STRN3: variants seen among roughly 807,000 people sequenced by gnomAD.
STRN3 encodes the protein striatin-3.
Under a neutral mutation model 95.6 loss-of-function variants are expected in STRN3, and 29 were observed. That is an observed-to-expected ratio of 0.30 (90% CI 0.23 to 0.41). The LOEUF is 0.41. Among genes scored for constraint, STRN3 ranks in the 10% least tolerant of loss-of-function variants. STRN3 has a pLI of 1.00. For missense variants in STRN3, 890 were observed against 972.1 expected (o/e 0.92, Z 1.12); for synonymous variants, 331 against 357.6 (o/e 0.93, Z 0.84).
chr14:30,919,356 TAA>T (rs1387587221), intron 8 of STRN3, among the ~76,000 whole-genome samples: 1 of 148,320 alleles, frequency 6.7e-6, no homozygotes, highest in African/African-American at 2.5e-5. Context: ...TGTCTCTCTC[TAA>T]AGAGATATAT....
chr14:30,919,987 A>C (rs149446232), intron 8 of STRN3, among the ~76,000 whole-genome samples: 214 of 152,304 alleles, frequency 1.4e-3, no homozygotes, highest in African/African-American at 4.7e-3. Flanking sequence ...TATAATCTAC[A>C]TAAGTTTAAA....
chr14:30,907,993 T>A (rs1368264465), intron 13 of STRN3, among the ~76,000 whole-genome samples: 2 of 152,204 alleles, frequency 1.3e-5, no homozygotes, highest in African/African-American at 4.8e-5. Flanking sequence ...AGCATTCAAA[T>A]AATGCTGCAT....
chr14:30,945,111 C>T (rs1260089085), intron 5 of STRN3, among the ~76,000 whole-genome samples: 1 of 152,116 alleles, frequency 6.6e-6, no homozygotes, highest in Non-Finnish European at 1.5e-5. Flanking sequence ...ATGCTTAACT[C>T]CTTGTATTTA....
intron 8 of STRN3, among the ~76,000 whole-genome samples, chr14:30,922,772 T>C (rs141369865): frequency 2.0e-5 from 3 of 152,300 alleles, no homozygotes; most frequent in African/African-American, 4.8e-5. Flanking sequence ...TTTAAGACAA[T>C]TGTTGTCTTA....
rs761804116 is a variant in STRN3, at chr14:30,935,182, C to T, written c.969G>A (p.Ser323=). 19 of 1,613,912 alleles carry T rather than the reference C, an allele frequency of 1.2e-5. No individual in the cohort carries two copies. Among genetic ancestry groups the T allele is most frequent in the African/African-American group, 6.7e-5 (5 of 74,892 alleles). The change falls in exon 7 of 18, where the codon TCG becomes TCA. Residue 323 remains serine, a synonymous_variant. Transcript: ENST00000357479. ...CCTTACCCCATTCTGTGCCATCCCCCGAACTCCGTGCTTCTCCAGCTCCTT... is the reference window on the plus strand; with the variant it reads ...CCTTACCCCATTCTGTGCCATCCCCTGAACTCCGTGCTTCTCCAGCTCCTT... The part of the protein sequence containing the change: ...DGEGAGEARS[S]GDGTEWDKDD...
rs566691272 is a variant in STRN3, at chr14:30,905,409, A to C, written c.2029+9T>G. On this transcript the variant is annotated intron_variant, in intron 15 of 17. Coordinates refer to ENST00000357479, the MANE Select transcript of STRN3 (RefSeq NM_001083893.2). ...TTTAAGGTTTCAAAGAAACTCCATG[A>C]AAACTTACCAGAATCTACCTGTGAT... The C allele has an allele frequency of 6.9e-6, 11 of 1,589,474 alleles. No individual in the cohort carries two copies. The highest frequency in any genetic ancestry group is 8.5e-6 in the Non-Finnish European group (10 of 1,171,938).
In STRN3 at chr14:30,923,533, C is replaced by G. The variant is rs190042204; in HGVS notation, c.1100-4427G>C. 3.9e-4 allele frequency among the ~76,000 whole-genome samples: 60 copies of G among 151,988 alleles called. No individual in the cohort carries two copies. In the South Asian group the frequency reaches 7.9e-3, roughly 20 times the overall value. ...GAAAAGACAGAAAAGTTAAGATAAACGAGAATAATTAGGAAAATTAAGATA... is the reference window on the plus strand; with the variant it reads ...GAAAAGACAGAAAAGTTAAGATAAAGGAGAATAATTAGGAAAATTAAGATA... On this transcript the variant is annotated intron_variant, in intron 8 of 17. Coordinates refer to ENST00000357479, the MANE Select transcript of STRN3 (RefSeq NM_001083893.2).
chr14:30,921,071 TACACACAC>T (rs921860938), intron 8 of STRN3, among the ~76,000 whole-genome samples: 6 of 116,580 alleles, frequency 5.1e-5, no homozygotes, highest in African/African-American at 1.9e-4. Flanking sequence ...CACATACATA[TACACACAC>T]ACACACACAC....
intron 1 of STRN3, among the ~76,000 whole-genome samples, chr14:30,972,911 T>C (rs1880905710): frequency 6.6e-6 from 1 of 152,192 alleles, no homozygotes; most frequent in Non-Finnish European, 1.5e-5. Context: ...TATTTCAGAA[T>C]CACAATTGTA....
chr14:30,905,592 A>C, intron 14 of STRN3, 34 bp from the exon 15 acceptor site: 1 of 1,555,060 alleles, frequency 6.4e-7, no homozygotes, highest in Non-Finnish European at 8.6e-7. Flanking sequence ...AATGTAAACA[A>C]AGTAAAATTA....
intron 16 of STRN3, among the ~76,000 whole-genome samples, chr14:30,900,219 C>T (rs1429882578): frequency 1.3e-5 from 2 of 151,310 alleles, no homozygotes; most frequent in East Asian, 2.0e-4. Flanking sequence ...ATTAGACAGG[C>T]GTGGTAGCAG....
chr14:30,968,384 T>A (rs74771144), intron 1 of STRN3, among the ~76,000 whole-genome samples: 1 of 136,802 alleles, frequency 7.3e-6, no homozygotes, highest in African/African-American at 2.7e-5. Flanking sequence ...TTAACTGGTT[T>A]AAAAAAAAAA....
At chr14:30,934,121 C>A (rs566775502) in intron 7 of STRN3, among the ~76,000 whole-genome samples, 1 of 152,198 alleles carries the variant, frequency 6.6e-6, no homozygotes, top group East Asian at 1.9e-4. Flanking sequence ...GTCAAGAGAT[C>A]GAGACCATCC....
intron 6 of STRN3, 50 bp from the exon 7 acceptor site, chr14:30,935,354 G>T: frequency 1.3e-6 from 2 of 1,577,128 alleles, no homozygotes; most frequent in South Asian, 1.2e-5. Flanking sequence ...AATGGAAAAG[G>T]GATGCTTTAA....
chr14:30,957,040 C>A (rs1455065354), intron 1 of STRN3, among the ~76,000 whole-genome samples: 1 of 152,220 alleles, frequency 6.6e-6, no homozygotes, highest in African/African-American at 2.4e-5. Flanking sequence ...TGCCTGTAAT[C>A]CCAGCTACCC....
chr14:30,962,969 C>A (rs1405786421), intron 1 of STRN3, among the ~76,000 whole-genome samples: 2 of 152,032 alleles, frequency 1.3e-5, no homozygotes, highest in Non-Finnish European at 2.9e-5. Flanking sequence ...ACCACATAGC[C>A]CAAGTGCAGG....
chr14:30,919,213 G>T, intron 8 of STRN3, 107 bp from the exon 9 acceptor site: 1 of 1,171,258 alleles, frequency 8.5e-7, no homozygotes, highest in Non-Finnish European at 1.1e-6. Context: ...AGAAGTCCCA[G>T]TTATTAAAAT....
At chr14:30,925,131 T>C (rs1239334800) in intron 8 of STRN3, among the ~76,000 whole-genome samples, 1 of 151,800 alleles carries the variant, frequency 6.6e-6, no homozygotes, top group African/African-American at 2.4e-5. Context: ...ATCTCAATTA[T>C]ATTGTATATC....
chr14:30,974,598 G>C lies in STRN3; in HGVS notation c.283-18356C>G, dbSNP rs2139204833. On this transcript the variant is annotated intron_variant, in intron 1 of 17. Coordinates refer to ENST00000357479, the MANE Select transcript of STRN3 (RefSeq NM_001083893.2). ...ATGGAATCTCAAGGAACCCCAAATAGCATAACTACAAAAAAAAAAAAAAAA... is the reference window on the plus strand; with the variant it reads ...ATGGAATCTCAAGGAACCCCAAATACCATAACTACAAAAAAAAAAAAAAAA... Among the ~76,000 whole-genome samples, 2 of 86,882 alleles carry C rather than the reference G, an allele frequency of 2.3e-5. 1 individual carries two copies. Among genetic ancestry groups the C allele is most frequent in the Middle Eastern group, 0.014 (2 of 148 alleles). 57.0% of individuals were successfully genotyped at this position (86,882 alleles called of 152,430 possible). A position where few individuals can be genotyped will look rare whatever the true frequency, so the allele number is the denominator to read the frequency against.
Sources: gnomAD v4.1 joint callset for allele counts (sites outside exome capture counted in the v4.1 genomes callset) on GRCh38, gnomAD v4.1.1 for gene constraint, MANE v1.5 for transcripts, NCBI Gene and HGNC (gene_info 2026-07-23, HGNC 2026-07-21) for gene names.